The following RPTOR variants were observed in gnomAD, a reference collection of about 807,000 sequenced individuals.
The protein encoded by RPTOR is regulatory associated protein of MTOR complex 1, also known as regulatory-associated protein of mTOR.
Under a neutral mutation model 169.9 loss-of-function variants are expected in RPTOR, and 21 were observed. That is an observed-to-expected ratio of 0.12 (90% confidence interval 0.09 to 0.18). The LOEUF (loss-of-function observed/expected upper bound fraction) is 0.18, where lower values mean the gene tolerates loss of function less well. Ranked by LOEUF, RPTOR falls within the 10% of genes least tolerant of loss-of-function variation. The pLI is 1.00. For missense variants in RPTOR, 1,133 were observed against 1,855.9 expected (o/e 0.61, Z 7.16); for synonymous variants, 732 against 753.2 (o/e 0.97, Z 0.46).
chr17:80,808,029 T>A (rs1407886881), intron 7 of RPTOR, among the ~76,000 whole-genome samples: 1 of 152,114 alleles, frequency 6.6e-6, no homozygotes, highest in Non-Finnish European at 1.5e-5. Flanking sequence ...GCACAGTGGC[T>A]CATGCCTGTA....
intron 3 of RPTOR, among the ~76,000 whole-genome samples, chr17:80,690,623 G>A (rs893197464): frequency 2.6e-5 from 4 of 151,996 alleles, no homozygotes; most frequent in Admixed American, 1.3e-4. Flanking sequence ...ATTTCCTCTC[G>A]GTGGTGGACA....
At chr17:80,631,282 G>A (rs1401689854) in intron 2 of RPTOR, among the ~76,000 whole-genome samples, 1 of 152,070 alleles carries the variant, frequency 6.6e-6, no homozygotes, top group East Asian at 1.9e-4. Flanking sequence ...CTGGGGGCAG[G>A]TGGACTTCAA....
rs952965985 is a variant in RPTOR at position 80,646,353 on chromosome 17, G to A, written c.348+2543G>A. On this transcript the variant is annotated intron_variant, in intron 3 of 33. Transcript: ENST00000306801. This position sits in a 1 kb window ranked among gnomAD's most constrained non-coding sequence, Gnocchi z 5.0. ...CTCTGACCGGCTCCCAGGTGTGAGCGTGGGGCTGTGCCATATGCACTGGGT... is the reference window on the plus strand; with the variant it reads ...CTCTGACCGGCTCCCAGGTGTGAGCATGGGGCTGTGCCATATGCACTGGGT... 3.3e-5 allele frequency among the ~76,000 whole-genome samples: 5 copies of A among 152,138 alleles called. No homozygotes were observed. Among genetic ancestry groups the A allele is most frequent in the African/African-American group, 1.2e-4 (5 of 41,418 alleles).
chr17:80,950,244 G>A (rs1478950573), intron 28 of RPTOR, among the ~76,000 whole-genome samples: 3 of 152,230 alleles, frequency 2.0e-5, no homozygotes, highest in Admixed American at 6.5e-5. Context: ...GATGCTCAGA[G>A]TGAACGCGTT....
At chr17:80,741,437 G>A (rs924180694) in intron 5 of RPTOR, among the ~76,000 whole-genome samples, 2 of 152,164 alleles carry the variant, frequency 1.3e-5, no homozygotes, top group African/African-American at 2.4e-5. Context: ...AGAGTGATTC[G>A]CTCTGGATCA....
chr17:80,831,287 A>C (rs1474455311), intron 9 of RPTOR, among the ~76,000 whole-genome samples: 3 of 152,088 alleles, frequency 2.0e-5, no homozygotes, highest in African/African-American at 7.2e-5. Flanking sequence ...TCCATTCCCC[A>C]CGGAGGCTGA....
Position 80,947,413 on chromosome 17 carries a change from G to A in RPTOR, c.3265+62G>A. 1.4e-6 allele frequency: 2 copies of A among 1,469,278 alleles called. No homozygotes were observed. Among genetic ancestry groups the A allele is most frequent in the Non-Finnish European group, 9.0e-7 (1 of 1,110,300 alleles). 91.0% of individuals were successfully genotyped at this position (1,469,278 alleles called of 1,614,324 possible). ...GGTCTGGAGGAGTGGCGGGGAGGGT[G>A]TGTGATCCTGAGATGTGTTTGTACA... On this transcript the variant is annotated intron_variant, in intron 27 of 33. Coordinates refer to ENST00000306801, the MANE Select transcript of RPTOR (RefSeq NM_020761.3). This position sits in a 1 kb window ranked among gnomAD's most constrained non-coding sequence, Gnocchi z 4.4.
chr17:80,750,384 C>G (rs1438408565), intron 5 of RPTOR, among the ~76,000 whole-genome samples: 2 of 152,232 alleles, frequency 1.3e-5, no homozygotes, highest in African/African-American at 4.8e-5. Flanking sequence ...CAGTCCCAGA[C>G]AGACATCGCA....
chr17:80,702,052 G>C (rs189365806), intron 3 of RPTOR, among the ~76,000 whole-genome samples: 3 of 152,264 alleles, frequency 2.0e-5, no homozygotes, highest in Admixed American at 6.5e-5. Flanking sequence ...ATGAGAAGGA[G>C]CTCCAATACC....
At chr17:80,853,036 C>T (rs890844750) in intron 11 of RPTOR, among the ~76,000 whole-genome samples, 2 of 152,184 alleles carry the variant, frequency 1.3e-5, no homozygotes, top group African/African-American at 4.8e-5. Context: ...CTCCCCATCT[C>T]CGTATTGGCA....
At chr17:80,606,023 G>GT (rs920224151) in intron 1 of RPTOR, among the ~76,000 whole-genome samples, 2 of 152,096 alleles carry the variant, frequency 1.3e-5, no homozygotes, top group Non-Finnish European at 2.9e-5. Context: ...TTTTGTTTTT[G>GT]TTTTTTGAGA....
intron 1 of RPTOR, among the ~76,000 whole-genome samples, chr17:80,576,291 A>C (rs1272349595): frequency 1.3e-5 from 2 of 151,980 alleles, no homozygotes; most frequent in African/African-American, 4.8e-5. Flanking sequence ...GAAAATATTT[A>C]ATTTCTTCCC....
chr17:80,776,591 T>C (rs2066894370), intron 6 of RPTOR, among the ~76,000 whole-genome samples: 1 of 152,216 alleles, frequency 6.6e-6, no homozygotes, highest in Non-Finnish European at 1.5e-5. Context: ...CCCAAAGTGC[T>C]GGGATTACAG....
At chr17:80,711,767 A>ACCG (rs764327407) in intron 4 of RPTOR, among the ~76,000 whole-genome samples, 1 of 56,814 alleles carries the variant, frequency 1.8e-5, no homozygotes, top group Non-Finnish European at 3.0e-5. Flanking sequence ...TTTTGAGGTT[A>ACCG]AGTCTCCCTC....
intron 32 of RPTOR, 131 bp downstream of exon 32, chr17:80,962,708 TA>T: frequency 1.8e-6 from 2 of 1,101,536 alleles, no homozygotes; most frequent in Non-Finnish European, 2.6e-6. Flanking sequence ...TGTGGGGACA[TA>T]AAAACAAAAG....
intron 9 of RPTOR, among the ~76,000 whole-genome samples, chr17:80,827,833 A>G (rs1170623379): frequency 6.6e-6 from 1 of 152,200 alleles, no homozygotes; most frequent in Non-Finnish European, 1.5e-5. Context: ...GGGCTTTACA[A>G]TTGTTAGGCC....
chr17:80,634,643 A>G (rs1305636587), intron 2 of RPTOR, among the ~76,000 whole-genome samples: 2,110 of 51,422 alleles, frequency 0.041, 375 homozygotes, highest in Non-Finnish European at 0.056. Context: ...GTGTGTGTGC[A>G]TACTGTATGT....
chr17:80,750,858 C>T (rs950169966), intron 5 of RPTOR, among the ~76,000 whole-genome samples: 2 of 151,952 alleles, frequency 1.3e-5, no homozygotes, highest in South Asian at 2.1e-4. Flanking sequence ...CTAATGTCAC[C>T]GAACTGTACA....
intron 1 of RPTOR, among the ~76,000 whole-genome samples, chr17:80,548,424 C>G (rs1006399480): frequency 8.3e-5 from 11 of 133,278 alleles, no homozygotes; most frequent in South Asian, 2.5e-4. Flanking sequence ...TCTTGTTGCC[C>G]AGGCTGGAGT....
Sources: gnomAD v4.1 joint callset for allele counts (sites outside exome capture counted in the v4.1 genomes callset) on GRCh38, gnomAD v4.1.1 for gene constraint, Gnocchi (gnomAD v3.1) non-coding constraint, MANE v1.5 for transcripts, NCBI Gene and HGNC (gene_info 2026-07-23, HGNC 2026-07-21) for gene names.